Variants in SH3RF3 observed in about 807,000 individuals in gnomAD.
SH3RF3 encodes the protein SH3 domain containing ring finger 3.
SH3RF3 carries 29 observed loss-of-function variants against 66.3 expected under a neutral mutation model. That is an observed-to-expected ratio of 0.44 (90% CI 0.33 to 0.60). The LOEUF (loss-of-function observed/expected upper bound fraction) is 0.60. Ranked by LOEUF, SH3RF3 falls within the 20% of genes least tolerant of loss-of-function variation. The probability of loss-of-function intolerance (pLI) is 0.04; values close to 1 mark genes in which losing one functional copy is unlikely to be tolerated. For synonymous variants in SH3RF3, 583 were observed against 532.0 expected (o/e 1.10, Z -1.32); for missense variants, 1,194 against 1,190.9 (o/e 1.00, Z -0.04).
intron 1 of SH3RF3, among the ~76,000 whole-genome samples, chr2:109,272,491 C>T (rs913582054): frequency 3.9e-5 from 6 of 152,206 alleles, no homozygotes; most frequent in African/African-American, 1.2e-4. Context: ...GAGCCCCCTT[C>T]GCCTCTAACT....
chr2:109,136,884 C>T (rs1266417292), intron 1 of SH3RF3, among the ~76,000 whole-genome samples: 2 of 152,136 alleles, frequency 1.3e-5, no homozygotes, highest in Non-Finnish European at 2.9e-5. Flanking sequence ...TCTCTGAGAG[C>T]AAGACCTCAC....
At chr2:109,238,890 C>CAG (rs1183243804) in intron 1 of SH3RF3, among the ~76,000 whole-genome samples, 1 of 152,190 alleles carries the variant, frequency 6.6e-6, no homozygotes, top group African/African-American at 2.4e-5. Context: ...TACAGCTCCA[C>CAG]TGTGGTCACT....
chr2:109,212,621 A>G (rs1679013068), intron 1 of SH3RF3, among the ~76,000 whole-genome samples: 1 of 152,122 alleles, frequency 6.6e-6, no homozygotes, highest in South Asian at 2.1e-4. Flanking sequence ...GGGTTCATTG[A>G]TCTTTGTCAA....
In SH3RF3 at chr2:109,435,835, T is replaced by G. The variant is rs1022538126; in HGVS notation, c.1575-1058T>G. The stretch of plus-strand genomic sequence containing the variant: ...GATGATAGAAAATGGGATTTTTAAA[T>G]TCATGGTTTTGGCTGACCTGCTAAC... On this transcript the variant is annotated intron_variant, in intron 6 of 9. Coordinates refer to ENST00000309415, the MANE Select transcript of SH3RF3 (RefSeq NM_001099289.3). Among the ~76,000 whole-genome samples, 24 of 152,322 alleles carry G rather than the reference T, an allele frequency of 1.6e-4. No homozygotes were observed. In the East Asian group the frequency reaches 1.7e-3, roughly 11 times the overall value.
intron 1 of SH3RF3, among the ~76,000 whole-genome samples, chr2:109,259,008 G>A (rs1402769914): frequency 6.6e-6 from 1 of 152,238 alleles, no homozygotes; most frequent in Admixed American, 6.5e-5. Context: ...TGTGGGGTCA[G>A]CTCACTGTGT....
At chr2:109,390,457 G>T (rs969196632) in intron 3 of SH3RF3, among the ~76,000 whole-genome samples, 1 of 152,120 alleles carries the variant, frequency 6.6e-6, no homozygotes, top group African/African-American at 2.4e-5. Flanking sequence ...TTTAGTCCTG[G>T]AATCTTCCTT....
At chr2:109,441,219 A>G (rs915380256) in intron 7 of SH3RF3, among the ~76,000 whole-genome samples, 2 of 152,170 alleles carry the variant, frequency 1.3e-5, no homozygotes, top group Non-Finnish European at 1.5e-5. Context: ...GCAAAGGAGC[A>G]GGAAAATATG....
At chr2:109,487,008 C>A (rs948844498) in intron 8 of SH3RF3, among the ~76,000 whole-genome samples, 1 of 152,154 alleles carries the variant, frequency 6.6e-6, no homozygotes, top group African/African-American at 2.4e-5. Context: ...AGTGATCCCC[C>A]CAACAGAGAG....
intron 1 of SH3RF3, among the ~76,000 whole-genome samples, chr2:109,150,633 G>A (rs1372305610): frequency 1.8e-4 from 27 of 152,210 alleles, no homozygotes; most frequent in Admixed American, 1.6e-3. Flanking sequence ...CTGGTGAATC[G>A]TGGAGCTGGG....
At chr2:109,154,390 G>C (rs1414842288) in intron 1 of SH3RF3, among the ~76,000 whole-genome samples, 1 of 152,214 alleles carries the variant, frequency 6.6e-6, no homozygotes, top group Non-Finnish European at 1.5e-5. Flanking sequence ...ATACACAGAA[G>C]GCCCCCCAGC....
chr2:109,169,270 T>A (rs951324515), intron 1 of SH3RF3, among the ~76,000 whole-genome samples: 8 of 152,222 alleles, frequency 5.3e-5, no homozygotes, highest in African/African-American at 1.7e-4. Context: ...GTGTTTGTAC[T>A]TGCTGAGAGG....
intron 2 of SH3RF3, among the ~76,000 whole-genome samples, chr2:109,349,559 G>A (rs1682795318): frequency 6.6e-6 from 1 of 152,188 alleles, no homozygotes. Flanking sequence ...TCATGACCAA[G>A]AGCAGGGACC....
At chr2:109,387,262 A>G (rs1477320412) in intron 3 of SH3RF3, among the ~76,000 whole-genome samples, 1 of 152,212 alleles carries the variant, frequency 6.6e-6, no homozygotes, top group African/African-American at 2.4e-5. Context: ...GTAGCTTCCA[A>G]GTGCCTCACC....
At chr2:109,236,333 C>A (rs796452330) in intron 1 of SH3RF3, among the ~76,000 whole-genome samples, 8 of 152,278 alleles carry the variant, frequency 5.3e-5, no homozygotes, top group African/African-American at 1.9e-4. Flanking sequence ...CAATGCCCAG[C>A]AGTGCCTCCA....
rs1320279115 is a variant in SH3RF3 at position 109,503,222 on chromosome 2, C to G, written c.*1551C>G. The G allele has an allele frequency of 3.3e-5, 5 of 152,216 alleles. No individual in the cohort carries two copies. Among genetic ancestry groups the G allele is most frequent in the Non-Finnish European group, 7.3e-5 (5 of 68,038 alleles). The allele number at this position is 152,216 out of a possible 1,614,324, so 9.4% of individuals were successfully genotyped here. On this transcript the variant is annotated 3_prime_UTR_variant, in exon 10 of 10. Coordinates refer to ENST00000309415, the MANE Select transcript of SH3RF3 (RefSeq NM_001099289.3). ...ACCCCTCTCTCCACCTATATTTTTA[C>G]AAATACCATTCAGACTTAAATTAAG...
At chr2:109,175,682 G>C (rs889488167) in intron 1 of SH3RF3, among the ~76,000 whole-genome samples, 5 of 152,068 alleles carry the variant, frequency 3.3e-5, no homozygotes, top group African/African-American at 7.2e-5. Flanking sequence ...ACACATTTTG[G>C]GTTACCTCAA....
intron 8 of SH3RF3, among the ~76,000 whole-genome samples, chr2:109,488,408 T>A (rs1246983111): frequency 6.6e-6 from 1 of 152,184 alleles, no homozygotes; most frequent in Non-Finnish European, 1.5e-5. Context: ...TCAGGCCTCC[T>A]GGGGAGCCAG....
chr2:109,239,405 T>C (rs1210884343), intron 1 of SH3RF3, among the ~76,000 whole-genome samples: 1 of 152,196 alleles, frequency 6.6e-6, no homozygotes, highest in Non-Finnish European at 1.5e-5. Flanking sequence ...TGAATAAGAA[T>C]AAGGATACAG....
chr2:109,394,683 C>T lies in SH3RF3; in HGVS notation c.946-3907C>T, dbSNP rs1484542043. Among the ~76,000 whole-genome samples the T allele has an allele frequency of 2.0e-5, 3 of 152,204 alleles. No homozygotes were observed. In the East Asian group the frequency reaches 5.8e-4, roughly 29 times the overall value. On this transcript the variant is annotated intron_variant, in intron 3 of 9. Transcript: ENST00000309415. ...TGTGCACATCTATGTAGGAGGGGGA[C>T]GTCCACCTGATAAACAAGGTGACGC... is the stretch of plus-strand genomic sequence containing the variant.
Sources: allele counts gnomAD v4.1 joint callset (sites outside exome capture counted in the v4.1 genomes callset), GRCh38; gene constraint gnomAD v4.1.1; transcripts MANE v1.5; gene names NCBI Gene and HGNC (gene_info 2026-07-23, HGNC 2026-07-21).